Variants in FLNB observed in about 807,000 individuals in gnomAD.
FLNB encodes filamin B, also known as filamin-B.
A neutral mutation model predicts 250.6 loss-of-function variants in FLNB; 111 were observed. That is an observed-to-expected ratio of 0.44 (90% confidence interval 0.38 to 0.52). The LOEUF is 0.52. Among genes scored for constraint, FLNB ranks in the 20% least tolerant of loss-of-function variants. The pLI is 0.00. For synonymous variants in FLNB, 1,302 were observed against 1,372.1 expected (o/e 0.95, Z 1.13); for missense variants, 2,869 against 3,447.8 (o/e 0.83, Z 4.20).
At chr3:58,103,168 C>T (rs980165057) in intron 9 of FLNB, among the ~76,000 whole-genome samples, 4 of 152,124 alleles carry the variant, frequency 2.6e-5, no homozygotes, top group African/African-American at 9.7e-5. Context: ...TCAGGCTGTG[C>T]CCTGAGGGTA....
At chr3:58,032,259 G>C (rs776163068) in intron 1 of FLNB, among the ~76,000 whole-genome samples, 1 of 152,090 alleles carries the variant, frequency 6.6e-6, no homozygotes, top group Non-Finnish European at 1.5e-5. Flanking sequence ...AGACAAGTTT[G>C]GGCCCAGTTT....
intron 38 of FLNB, chr3:58,152,638 G>A: frequency 1.6e-6 from 1 of 624,834 alleles, no homozygotes; most frequent in Non-Finnish European, 2.4e-6. Flanking sequence ...GAATTTTGGA[G>A]GGACACAAAC....
chr3:58,116,092 G>C (rs1002051840), intron 18 of FLNB, among the ~76,000 whole-genome samples: 2 of 152,030 alleles, frequency 1.3e-5, no homozygotes, highest in Non-Finnish European at 2.9e-5. Flanking sequence ...ATTCACAAGC[G>C]GAGATGGCCT....
intron 20 of FLNB, among the ~76,000 whole-genome samples, chr3:58,122,052 C>T (rs1253499986): frequency 6.6e-6 from 1 of 151,592 alleles, no homozygotes; most frequent in Non-Finnish European, 1.5e-5. Flanking sequence ...ACCTGTAGTC[C>T]CAGCTACTCG....
chr3:58,129,810 G>A (rs2097303723), intron 24 of FLNB, among the ~76,000 whole-genome samples: 1 of 152,214 alleles, frequency 6.6e-6, no homozygotes, highest in Non-Finnish European at 1.5e-5. Context: ...TAGCCCCTTG[G>A]TGATGGGCGT....
chr3:58,151,566 C>G (rs1251249953), intron 38 of FLNB, among the ~76,000 whole-genome samples: 1 of 152,160 alleles, frequency 6.6e-6, no homozygotes, highest in African/African-American at 2.4e-5. Context: ...TGCTCACTTT[C>G]CAGTCACATT....
rs145949135 is a variant in FLNB, at chr3:58,044,270, G to A, written c.293-32776G>A. On this transcript the variant is annotated intron_variant, in intron 1 of 45. Coordinates refer to ENST00000295956, the MANE Select transcript of FLNB (RefSeq NM_001457.4). ...GACTGGTAGGTGCCTCTCATTGTCT[G>A]GTTGGGAAGCATTCTCTTAAGTCCA... Among the ~76,000 whole-genome samples the A allele has an allele frequency of 3.6e-4, 55 of 152,262 alleles. No individual in the cohort carries two copies. The East Asian group carries it at 8.7e-3, about 24-fold the overall frequency.
At chr3:58,023,129 T>TG (rs1203182970) in intron 1 of FLNB, among the ~76,000 whole-genome samples, 35 of 107,860 alleles carry the variant, frequency 3.2e-4, no homozygotes, top group African/African-American at 1.2e-3. Context: ...TTTTTTTTTT[T>TG]GAAATGATGT....
chr3:58,106,572 C>T (rs2097260163), intron 11 of FLNB, 108 bp from the exon 12 acceptor site: 3 of 1,013,362 alleles, frequency 3.0e-6, no homozygotes, highest in Admixed American at 3.7e-5. Context: ...TTTCAATCTT[C>T]TGGCCAACAC....
intron 10 of FLNB, 146 bp from the exon 11 acceptor site, chr3:58,104,934 C>A: frequency 1.0e-6 from 1 of 980,954 alleles, no homozygotes; most frequent in Non-Finnish European, 1.6e-6. Context: ...GAGAGGCCTG[C>A]AGGAGGAAGG....
At chr3:58,124,207 A>G in intron 21 of FLNB, 125 bp from the exon 22 acceptor site, 1 of 989,276 alleles carries the variant, frequency 1.0e-6, no homozygotes, top group African/African-American at 1.6e-5. Flanking sequence ...AGAGTTAGAA[A>G]AACCAGTTTT....
intron 1 of FLNB, among the ~76,000 whole-genome samples, chr3:58,021,901 C>T (rs1013495672): frequency 6.6e-6 from 1 of 152,026 alleles, no homozygotes; most frequent in Non-Finnish European, 1.5e-5. Context: ...CAGCCTCCCA[C>T]GTAGTCAGAA....
chr3:58,017,405 C>T (rs538348575), intron 1 of FLNB, among the ~76,000 whole-genome samples: 1 of 152,322 alleles, frequency 6.6e-6, no homozygotes, highest in South Asian at 2.1e-4. Context: ...CATGCGCCAT[C>T]ACACCTGGAT....
At chr3:58,023,710 G>GGTCTCATTTGA (rs2097118100) in intron 1 of FLNB, among the ~76,000 whole-genome samples, 1 of 152,140 alleles carries the variant, frequency 6.6e-6, no homozygotes, top group Non-Finnish European at 1.5e-5. Flanking sequence ...TAAAATGAAA[G>GGTCTCATTTGA]GTCTCATTTG....
rs767864936 is a variant in FLNB at position 58,163,255 on chromosome 3, G to A, written c.7123G>A (p.Val2375Ile). Residue 2375 changes from valine (V) to isoleucine (I), a missense_variant, in exon 43 of 46, where the codon GTT becomes ATT. This residue lies in a region of FLNB where 1,084 missense variants were observed against 1,315.5 expected (regional missense o/e 0.82). Coordinates refer to ENST00000295956, the MANE Select transcript of FLNB (RefSeq NM_001457.4). ...GGTTGGAAGCCCCTTCAAAGTGCGC[G>A]TTGGGGAGCCTGGACAAGCGGGGAA... ...HVVGSPFKVR[V>I]GEPGQAGNPA... is the part of the protein sequence containing the mutation. 78 of 1,614,138 alleles carry A rather than the reference G, an allele frequency of 4.8e-5. No homozygotes were observed. Among genetic ancestry groups the A allele is most frequent in the Non-Finnish European group, 5.0e-5 (59 of 1,180,052 alleles).
At chr3:58,118,721 G>T in intron 18 of FLNB, 151 bp from the exon 19 acceptor site, 1 of 711,906 alleles carries the variant, frequency 1.4e-6, no homozygotes, top group Admixed American at 2.1e-5. Context: ...GTGGTCAAAA[G>T]CTAGAAGAAA....
intron 1 of FLNB, among the ~76,000 whole-genome samples, chr3:58,067,017 G>A (rs2097186553): frequency 6.6e-6 from 1 of 152,126 alleles, no homozygotes; most frequent in African/African-American, 2.4e-5. Context: ...ATGTGTTATG[G>A]GCCTATAGTA....
rs2097335219 is a variant in FLNB at position 58,145,941 on chromosome 3, G to A, written c.5446G>A (p.Val1816Met). 2 of 1,614,154 alleles carry A rather than the reference G, an allele frequency of 1.2e-6. No homozygotes were observed. The highest frequency in any genetic ancestry group is 1.3e-5 in the African/African-American group (1 of 75,024). The change falls in exon 33 of 46, where the codon GTG becomes ATG. Residue 1816 changes from valine to methionine, a missense_variant. Transcript: ENST00000295956. ...HIPESPLQFY[V>M]NYPNSGSVSA... ...CCCAGAGAGCCCACTCCAGTTCTAC[G>A]TGAACTACCCCAACAGTGGAAGTGT... is the stretch of plus-strand genomic sequence containing the variant.
rs145891515 is a variant in FLNB at position 58,105,157 on chromosome 3, T to C, written c.1688T>C (p.Ile563Thr). ...RAWGPGLHGG[I>T]VGRSADFVVE... Reference sequence around the variant, plus strand: ...TGGGGCCCTGGGCTCCATGGTGGGATTGTCGGGCGGTCAGCGGACTTCGTG... The same window carrying C: ...TGGGGCCCTGGGCTCCATGGTGGGACTGTCGGGCGGTCAGCGGACTTCGTG... Residue 563 changes from isoleucine (I) to threonine (T), a missense_variant, in exon 11 of 46, where the codon ATT becomes ACT. Ile to Thr is a moderately conservative substitution (Grantham distance 89). This residue lies in a region of FLNB where 1,348 missense variants were observed against 1,466.7 expected (regional missense o/e 0.92). Coordinates refer to ENST00000295956, the MANE Select transcript of FLNB (RefSeq NM_001457.4). 145 of 1,614,084 alleles carry C rather than the reference T, an allele frequency of 9.0e-5. No homozygotes were observed. Among genetic ancestry groups the C allele is most frequent in the Non-Finnish European group, 1.1e-4 (133 of 1,180,032 alleles).
Sources: gnomAD v4.1 joint callset for allele counts (sites outside exome capture counted in the v4.1 genomes callset) on GRCh38, gnomAD v4.1.1 for gene constraint, gnomAD v4.1.1 regional missense constraint, MANE v1.5 for transcripts, NCBI Gene and HGNC (gene_info 2026-07-23, HGNC 2026-07-21) for gene names.